SORCS1: variants seen among roughly 807,000 people sequenced by gnomAD.
The protein encoded by SORCS1 is sortilin related VPS10 domain containing receptor 1.
SORCS1 carries 60 observed loss-of-function variants against 146.1 expected under a neutral mutation model. That is an observed-to-expected ratio of 0.41 (90% CI 0.33 to 0.51). SORCS1 has a LOEUF of 0.51. SORCS1 is among the 20% of genes least tolerant of loss of function. The probability of loss-of-function intolerance (pLI) is 0.21; values close to 1 mark genes in which losing one functional copy is unlikely to be tolerated. For missense variants in SORCS1, 1,352 were observed against 1,487.6 expected (o/e 0.91, Z 1.50); for synonymous variants, 637 against 584.0 (o/e 1.09, Z -1.31).
rs1262367794 is a variant in SORCS1, at chr10:106,972,938, T to C, written c.559-16358A>G. Among the ~76,000 whole-genome samples, 6 of 152,320 alleles carry C rather than the reference T, an allele frequency of 3.9e-5. No individual in the cohort carries two copies. In the South Asian group the frequency reaches 6.2e-4, roughly 16 times the overall value. ...AGTATGTATTTAATCCTGGATCTTC[T>C]TGGCTTCTGATCTGGAAGTACGGCC... On this transcript the variant is annotated intron_variant, in intron 1 of 25. Coordinates refer to ENST00000263054, the MANE Select transcript of SORCS1 (RefSeq NM_052918.5).
intron 5 of SORCS1, among the ~76,000 whole-genome samples, chr10:106,736,094 A>G (rs1856925964): frequency 6.6e-6 from 1 of 152,220 alleles, no homozygotes; most frequent in Non-Finnish European, 1.5e-5. Flanking sequence ...GCAGCGCAAC[A>G]TCAGCCTTCT....
intron 2 of SORCS1, among the ~76,000 whole-genome samples, chr10:106,927,336 C>G (rs1381081656): frequency 2.6e-5 from 4 of 151,918 alleles, no homozygotes; most frequent in Non-Finnish European, 5.9e-5. Context: ...AGTGTTACAG[C>G]TTTTAAGGCG....
chr10:107,116,130 T>C (rs1404583324), intron 1 of SORCS1, among the ~76,000 whole-genome samples: 1 of 147,212 alleles, frequency 6.8e-6, no homozygotes, highest in East Asian at 2.2e-4. Context: ...TTGGTGAAGG[T>C]GGGAAAAAAT....
chr10:106,639,787 T>C (rs2133661950), intron 18 of SORCS1, among the ~76,000 whole-genome samples: 1 of 152,232 alleles, frequency 6.6e-6, no homozygotes, highest in East Asian at 1.9e-4. Flanking sequence ...GCTTAGAAAC[T>C]GATACCTGCC....
chr10:107,127,629 G>A (rs569428505), intron 1 of SORCS1, among the ~76,000 whole-genome samples: 28 of 152,248 alleles, frequency 1.8e-4, no homozygotes, highest in East Asian at 1.9e-4. Flanking sequence ...AACATCTCAC[G>A]CCTTTTCTGA....
intron 3 of SORCS1, among the ~76,000 whole-genome samples, chr10:106,822,797 T>TG (rs1457693632): frequency 6.7e-6 from 1 of 148,964 alleles, no homozygotes; most frequent in East Asian, 2.0e-4. Context: ...TTTTTTTTTT[T>TG]TTTTTGAATA....
intron 1 of SORCS1, among the ~76,000 whole-genome samples, chr10:106,964,591 A>G (rs925452156): frequency 6.6e-6 from 1 of 151,976 alleles, no homozygotes; most frequent in African/African-American, 2.4e-5. Flanking sequence ...GGTTCAAGCG[A>G]TTCTCCTTCT....
intron 3 of SORCS1, 121 bp downstream of exon 3, chr10:106,829,453 C>T (rs915406325): frequency 3.1e-6 from 2 of 648,676 alleles, no homozygotes; most frequent in Non-Finnish European, 5.5e-6. Context: ...ATCCATCAAC[C>T]CATCTTTACA....
intron 1 of SORCS1, among the ~76,000 whole-genome samples, chr10:107,000,969 AT>A (rs11432490): frequency 6.6e-6 from 1 of 152,058 alleles, no homozygotes; most frequent in Non-Finnish European, 1.5e-5. Flanking sequence ...CATGTAAAGA[AT>A]TTTTTTGTAT....
intron 1 of SORCS1, among the ~76,000 whole-genome samples, chr10:107,149,915 C>T (rs776188078): frequency 6.6e-6 from 1 of 152,200 alleles, no homozygotes; most frequent in Non-Finnish European, 1.5e-5. Context: ...TTTTCTCCTA[C>T]CCCGCCCTAT....
chr10:106,579,374 A>T lies in SORCS1; in HGVS notation c.3366T>A (p.Phe1122Leu), dbSNP rs1002141437. 6.2e-7 allele frequency: 1 copy of T among 1,613,858 alleles called. No homozygotes were observed. Among genetic ancestry groups the T allele is most frequent in the South Asian group, 1.1e-5 (1 of 91,074 alleles). Residue 1122 changes from phenylalanine to leucine, a missense_variant, in exon 25 of 26, where the codon TTT (phenylalanine) becomes TTA (leucine). Around this residue, in one of 3 missense-constraint regions of SORCS1, gnomAD observed 214 missense variants for 204.8 expected, o/e 1.05. Transcript: ENST00000263054. ...VGLAVFVIYKFKRRVALPSPP... is the reference protein window; with the variant it reads ...VGLAVFVIYKLKRRVALPSPP... ...GTGGATAGAGGGACACGCACCTTTT[A>T]AACTTGTAGATGACGAACACTGCCA...
At chr10:106,712,588 C>T (rs1855079681) in intron 6 of SORCS1, among the ~76,000 whole-genome samples, 1 of 152,090 alleles carries the variant, frequency 6.6e-6, no homozygotes, top group African/African-American at 2.4e-5. Context: ...CCAATATCAA[C>T]TATCTTGTAC....
At chr10:106,905,802 T>G (rs2138140899) in intron 2 of SORCS1, among the ~76,000 whole-genome samples, 1 of 152,358 alleles carries the variant, frequency 6.6e-6, no homozygotes, top group South Asian at 2.1e-4. Context: ...ATCAGAATGA[T>G]AAATGTTATC....
chr10:106,818,475 C>T (rs1014345104), intron 3 of SORCS1, among the ~76,000 whole-genome samples: 2 of 151,822 alleles, frequency 1.3e-5, no homozygotes, highest in East Asian at 3.9e-4. Flanking sequence ...AAGTGATCCT[C>T]CTGCCTCAGC....
intron 1 of SORCS1, among the ~76,000 whole-genome samples, chr10:107,081,692 GA>G (rs1210525177): frequency 1.3e-5 from 2 of 151,962 alleles, no homozygotes; most frequent in African/African-American, 4.8e-5. Context: ...GAAAAAGAGT[GA>G]AAAAAAGCAT....
rs1338373510 is a variant in SORCS1 at position 106,849,605 on chromosome 10, C to A, written c.627-19932G>T. Among the ~76,000 whole-genome samples, 4 of 151,506 alleles carry A rather than the reference C, an allele frequency of 2.6e-5. No homozygotes were observed. The South Asian group carries it at 6.3e-4, about 24-fold the overall frequency. On this transcript the variant is annotated intron_variant, in intron 2 of 25. Transcript: ENST00000263054. ...TCAGCTCGTCAAAATCATTCTCCAT[C>A]CAGCTTTGTTCCGTTGCTGGTGAGG... is the stretch of plus-strand genomic sequence containing the variant.
chr10:107,067,566 A>G (rs1487023312), intron 1 of SORCS1, among the ~76,000 whole-genome samples: 1 of 152,216 alleles, frequency 6.6e-6, no homozygotes, highest in Non-Finnish European at 1.5e-5. Context: ...TTTTAGGAAG[A>G]GTAGGCATGA....
chr10:106,976,735 T>C (rs917073612), intron 1 of SORCS1, among the ~76,000 whole-genome samples: 4 of 152,160 alleles, frequency 2.6e-5, no homozygotes, highest in Admixed American at 2.6e-4. Context: ...GTTGTTCCCC[T>C]CCCTGTGTCT....
intron 2 of SORCS1, among the ~76,000 whole-genome samples, chr10:106,837,794 T>C (rs1948846481): frequency 2.0e-5 from 3 of 151,892 alleles, no homozygotes; most frequent in Non-Finnish European, 4.4e-5. Flanking sequence ...TTGGAAAGGT[T>C]TTTTTCCAGA....
Sources: gnomAD v4.1 joint callset for allele counts (sites outside exome capture counted in the v4.1 genomes callset) on GRCh38, gnomAD v4.1.1 for gene constraint, gnomAD v4.1.1 regional missense constraint, MANE v1.5 for transcripts, NCBI Gene and HGNC (gene_info 2026-07-23, HGNC 2026-07-21) for gene names.